The following SELENOI variants were observed in gnomAD, a reference collection of about 807,000 sequenced individuals.
SELENOI encodes the protein ethanolaminephosphotransferase 1.
In SELENOI, 24 loss-of-function variants were observed where a neutral mutation model predicts 50.7. That is an observed-to-expected ratio of 0.47 (90% CI 0.34 to 0.67). The LOEUF is 0.67. Among genes scored for constraint, SELENOI ranks in the 30% least tolerant of loss-of-function variants. The pLI is 0.01. For missense variants in SELENOI, 352 were observed against 461.4 expected (o/e 0.76, Z 2.17); for synonymous variants, 155 against 170.2 (o/e 0.91, Z 0.70).
chr2:26,359,568 G>A (rs6711224), intron 1 of SELENOI, among the ~76,000 whole-genome samples: 43,560 of 151,910 alleles, frequency 0.29, 7,211 homozygotes, highest in Middle Eastern at 0.37. Context: ...GTTTGAACCC[G>A]GGAGGCAGAG....
Position 26,393,242 on chromosome 2 carries a change from T to A in SELENOI, c.*4139T>A, listed in dbSNP as rs909818420. 6.5e-6 allele frequency: 1 copy of A among 152,682 alleles called. No homozygotes were observed. The highest frequency in any genetic ancestry group is 2.4e-5 in the African/African-American group (1 of 41,466). The allele number at this position is 152,682 out of a possible 1,614,324, so 9.5% of individuals were successfully genotyped here. A position where few individuals can be genotyped will look rare whatever the true frequency, so the allele number is the denominator to read the frequency against. On this transcript the variant is annotated 3_prime_UTR_variant, in exon 10 of 10. Coordinates refer to ENST00000260585, the MANE Select transcript of SELENOI (RefSeq NM_033505.4). ...AGTGGTGATATGCTTCTTCCTTGCA[T>A]GGAGCTGTGGGAATTGGATTTGTTG...
chr2:26,382,007 A>G (rs1677716774), intron 6 of SELENOI, among the ~76,000 whole-genome samples: 1 of 152,224 alleles, frequency 6.6e-6, no homozygotes, highest in African/African-American at 2.4e-5. Flanking sequence ...CTTGCCAGAT[A>G]TATTGATTTG....
At chr2:26,364,537 T>C (rs552422522) in intron 2 of SELENOI, among the ~76,000 whole-genome samples, 167 bp downstream of exon 2, 2 of 152,358 alleles carry the variant, frequency 1.3e-5, no homozygotes, top group East Asian at 3.9e-4. Flanking sequence ...TTTATCTTAC[T>C]GTTGAAGTTT....
chr2:26,382,947 A>G (rs1300487586), intron 6 of SELENOI, among the ~76,000 whole-genome samples: 9 of 152,160 alleles, frequency 5.9e-5, no homozygotes, highest in Admixed American at 5.9e-4. Flanking sequence ...TTAACATGTC[A>G]TAACTCATTC....
At chr2:26,367,494 A>T (rs750363487) in intron 4 of SELENOI, among the ~76,000 whole-genome samples, 1 of 152,218 alleles carries the variant, frequency 6.6e-6, no homozygotes, top group Non-Finnish European at 1.5e-5. Flanking sequence ...TTTTACTGGC[A>T]CACATCTATG....
intron 6 of SELENOI, among the ~76,000 whole-genome samples, chr2:26,379,278 T>TA (rs1284314879): frequency 6.6e-6 from 1 of 152,110 alleles, no homozygotes; most frequent in African/African-American, 2.4e-5. Context: ...AATAACTAAT[T>TA]AAAAAATTTC....
Position 26,375,065 on chromosome 2 carries a change from C to T in SELENOI, c.599C>T (p.Thr200Ile). 6.2e-7 allele frequency: 1 copy of T among 1,613,256 alleles called. No individual in the cohort carries two copies. Among genetic ancestry groups the T allele is most frequent in the Non-Finnish European group, 8.5e-7 (1 of 1,179,312 alleles). Residue 200 changes from threonine (T) to isoleucine (I), a missense_variant, in exon 6 of 10, where the codon ACT (threonine) becomes ATT (isoleucine). Transcript: ENST00000260585. ...ACTATTTCTTTTGTCTACATAGTGA[C>T]TGCAGTTGTGGGAGTTGAGGCCTGG... ...QVTISFVYIVTAVVGVEAWYE... is the reference protein window; with the variant it reads ...QVTISFVYIVIAVVGVEAWYE...
chr2:26,348,606 G>A (rs1676871559), intron 1 of SELENOI, among the ~76,000 whole-genome samples: 1 of 152,066 alleles, frequency 6.6e-6, no homozygotes. Flanking sequence ...TAACGCAATT[G>A]TATTAAACAG....
intron 1 of SELENOI, 139 bp downstream of exon 1, chr2:26,346,428 G>A: frequency 9.4e-7 from 1 of 1,067,872 alleles, no homozygotes; most frequent in Non-Finnish European, 1.3e-6. Flanking sequence ...GAGGTCCTGC[G>A]GGTCCTGGGG....
At chr2:26,384,209 G>A (rs1241945649) in intron 7 of SELENOI, among the ~76,000 whole-genome samples, 7 of 152,090 alleles carry the variant, frequency 4.6e-5, no homozygotes, top group South Asian at 2.1e-4. Context: ...TCAAATCTGC[G>A]TAGCAGAATC....
intron 4 of SELENOI, among the ~76,000 whole-genome samples, chr2:26,370,922 C>CG (rs1375988912): frequency 1.1e-5 from 1 of 91,530 alleles, no homozygotes; most frequent in African/African-American, 3.8e-5. Context: ...GCTGGCCGGG[C>CG]GGGGGGCTGA....
intron 1 of SELENOI, among the ~76,000 whole-genome samples, chr2:26,354,439 T>C (rs1282479158): frequency 6.6e-6 from 1 of 152,160 alleles, no homozygotes; most frequent in African/African-American, 2.4e-5. Context: ...CAGGCTGGAG[T>C]GCAGTGGTGC....
rs914363678 is a variant in SELENOI, at chr2:26,367,049, A to G, written c.236-97A>G. On this transcript the variant is annotated intron_variant, in intron 3 of 9. Transcript: ENST00000260585. ...TATATTGTAAAGTACTTTAACTTCT[A>G]ATGAACAAATAGCGACACTTCTCAC... 6 of 1,026,716 alleles carry G rather than the reference A, an allele frequency of 5.8e-6. No homozygotes were observed. The African/African-American group carries it at 8.2e-5, about 14-fold the overall frequency. The allele number at this position is 1,026,716 out of a possible 1,614,324, so 63.6% of individuals were successfully genotyped here.
chr2:26,352,862 A>G (rs1174204211), intron 1 of SELENOI, among the ~76,000 whole-genome samples: 2 of 147,314 alleles, frequency 1.4e-5, no homozygotes, highest in Non-Finnish European at 3.0e-5. Flanking sequence ...AAAAAAAACC[A>G]GAATATTGGA....
At chr2:26,352,550 C>T (rs1284347824) in intron 1 of SELENOI, among the ~76,000 whole-genome samples, 2 of 152,134 alleles carry the variant, frequency 1.3e-5, no homozygotes, top group Non-Finnish European at 2.9e-5. Context: ...CTTTGGGAGG[C>T]CGAGGCAGGT....
At chr2:26,373,971 C>CT (rs769269650) in intron 5 of SELENOI, among the ~76,000 whole-genome samples, 1 of 152,120 alleles carries the variant, frequency 6.6e-6, no homozygotes. Flanking sequence ...GGGCTGGTCT[C>CT]TAACTCCTGA....
chr2:26,353,106 G>A (rs1013466841), intron 1 of SELENOI, among the ~76,000 whole-genome samples: 7 of 152,148 alleles, frequency 4.6e-5, no homozygotes, highest in Admixed American at 1.3e-4. Context: ...CATAAAAGAC[G>A]GGGAGGAGTC....
rs1425591492 is a variant in SELENOI, at chr2:26,374,932, C to G, written c.574-108C>G. The G allele has an allele frequency of 9.8e-6, 7 of 710,854 alleles. No homozygotes were observed. The African/African-American group carries it at 1.3e-4, about 13-fold the overall frequency. The allele number at this position is 710,854 out of a possible 1,614,324, so 44.0% of individuals were successfully genotyped here. ...ATACCAAATATAAGCATACTTCTTG[C>G]CTTTACTAAAACTGTTTGACTTGAC... On this transcript the variant is annotated intron_variant, in intron 5 of 9. Transcript: ENST00000260585.
intron 1 of SELENOI, 44 bp downstream of exon 1, chr2:26,346,333 G>A: frequency 6.3e-7 from 1 of 1,581,260 alleles, no homozygotes; most frequent in Non-Finnish European, 8.6e-7. Flanking sequence ...TCCCGGCCTC[G>A]CCCAGGCGGC....
Sources: allele counts gnomAD v4.1 joint callset (sites outside exome capture counted in the v4.1 genomes callset), GRCh38; gene constraint gnomAD v4.1.1; transcripts MANE v1.5; gene names NCBI Gene and HGNC (gene_info 2026-07-23, HGNC 2026-07-21).